The following SHISA9 variants were observed in gnomAD, a reference collection of about 807,000 sequenced individuals.
SHISA9 encodes the protein protein shisa-9.
A neutral mutation model predicts 38.0 loss-of-function variants in SHISA9; 13 were observed. The observed-to-expected ratio is 0.34, with a 90% CI of 0.22 to 0.54. SHISA9 has a LOEUF of 0.54. SHISA9 is among the 20% of genes least tolerant of loss of function. The pLI is 0.91. For synonymous variants in SHISA9, 275 were observed against 242.0 expected (o/e 1.14, Z -1.27); for missense variants, 538 against 575.8 (o/e 0.93, Z 0.67).
the SHISA9 span, among the ~76,000 whole-genome samples, chr16:13,487,455 A>G: frequency 6.6e-6 from 1 of 152,208 alleles, no homozygotes; most frequent in Non-Finnish European, 1.5e-5. Context: ...GGGAGCAGGA[A>G]GGAGGCAGGG....
chr16:13,027,475 CACAAA>C (rs1411821142), intron 2 of SHISA9, among the ~76,000 whole-genome samples: 2 of 152,128 alleles, frequency 1.3e-5, no homozygotes, highest in Admixed American at 1.3e-4. Flanking sequence ...ATTATGTCCA[CACAAA>C]GAATCTGCAC....
the SHISA9 span, among the ~76,000 whole-genome samples, chr16:13,318,843 A>G: frequency 6.6e-6 from 1 of 152,206 alleles, no homozygotes; most frequent in Non-Finnish European, 1.5e-5. Flanking sequence ...AACAAAAGAA[A>G]CTACAAAACA....
intron 2 of SHISA9, among the ~76,000 whole-genome samples, chr16:13,054,593 C>G (rs1039637590): frequency 6.6e-6 from 1 of 152,188 alleles, no homozygotes; most frequent in African/African-American, 2.4e-5. Context: ...GACTTATTTT[C>G]AGGGCAACAA....
chr16:13,443,856 G>A, the SHISA9 span, among the ~76,000 whole-genome samples: 1 of 151,726 alleles, frequency 6.6e-6, no homozygotes, highest in South Asian at 2.1e-4. Flanking sequence ...GTCTCTTATG[G>A]GATCATCTGG....
chr16:13,522,785 G>T, the SHISA9 span, among the ~76,000 whole-genome samples: 2 of 152,048 alleles, frequency 1.3e-5, no homozygotes, highest in African/African-American at 4.8e-5. Context: ...TAGGATTTAG[G>T]GCAGCTAGTT....
intron 4 of SHISA9, among the ~76,000 whole-genome samples, chr16:13,227,939 T>C (rs1403887494): frequency 6.6e-6 from 1 of 152,212 alleles, no homozygotes; most frequent in African/African-American, 2.4e-5. Context: ...TCAAACAATG[T>C]CTGTCAAATT....
At position 12,981,596 on chromosome 16, in the gene SHISA9, A is replaced by G. The variant is rs143000875; in HGVS notation, c.691+64781A>G. Among the ~76,000 whole-genome samples the G allele has an allele frequency of 1.3e-3, 198 of 152,328 alleles. No individual in the cohort carries two copies. In the East Asian group the frequency reaches 0.025, roughly 19 times the overall value. On this transcript the variant is annotated intron_variant, in intron 2 of 4. Transcript: ENST00000558583. Reference sequence around the variant, plus strand: ...AAGCCAGCAGTCTAGCCAGCTCAGCATCATGATCAGAGAACTGGCCATCTC... The same window carrying G: ...AAGCCAGCAGTCTAGCCAGCTCAGCGTCATGATCAGAGAACTGGCCATCTC...
chr16:13,371,212 C>G, the SHISA9 span, among the ~76,000 whole-genome samples: 2 of 152,140 alleles, frequency 1.3e-5, no homozygotes, highest in Non-Finnish European at 2.9e-5. Flanking sequence ...CCTAGGAAGT[C>G]CAGATAACCA....
the SHISA9 span, among the ~76,000 whole-genome samples, chr16:13,510,129 A>G: frequency 6.6e-6 from 1 of 152,164 alleles, no homozygotes; most frequent in African/African-American, 2.4e-5. Flanking sequence ...AACATGGTGA[A>G]ATCCCGTCTC....
At chr16:13,245,837 T>A in the SHISA9 span, among the ~76,000 whole-genome samples, 1 of 152,198 alleles carries the variant, frequency 6.6e-6, no homozygotes, top group Non-Finnish European at 1.5e-5. Flanking sequence ...CCCCATTTCT[T>A]CACCCCTCCC....
chr16:13,037,467 A>T (rs7184783), intron 2 of SHISA9, among the ~76,000 whole-genome samples: 1 of 151,854 alleles, frequency 6.6e-6, no homozygotes, highest in Non-Finnish European at 1.5e-5. Flanking sequence ...GGAGGGGAGC[A>T]GCAGTGAGGG....
chr16:13,468,407 C>T, the SHISA9 span, among the ~76,000 whole-genome samples: 1 of 152,168 alleles, frequency 6.6e-6, no homozygotes, highest in Non-Finnish European at 1.5e-5. Flanking sequence ...TCTTCCTTCT[C>T]ATATGTTTAT....
chr16:13,443,932 T>G, the SHISA9 span, among the ~76,000 whole-genome samples: 2 of 152,222 alleles, frequency 1.3e-5, no homozygotes, highest in Non-Finnish European at 2.9e-5. Context: ...AGAAGTCCAG[T>G]AACTTACTTC....
chr16:13,302,354 A>G, the SHISA9 span, among the ~76,000 whole-genome samples: 1 of 152,130 alleles, frequency 6.6e-6, no homozygotes, highest in Non-Finnish European at 1.5e-5. Flanking sequence ...CCTCCCCTAT[A>G]AATAGTTCTA....
chr16:13,328,453 C>T, the SHISA9 span, among the ~76,000 whole-genome samples: 2 of 150,672 alleles, frequency 1.3e-5, no homozygotes, highest in Non-Finnish European at 3.0e-5. Flanking sequence ...ACTCTTGTCA[C>T]CCAGGCTGGA....
chr16:13,389,198 A>G, the SHISA9 span, among the ~76,000 whole-genome samples: 2 of 152,188 alleles, frequency 1.3e-5, no homozygotes, highest in Admixed American at 1.3e-4. Flanking sequence ...TCACTGCCCT[A>G]AAAATCCTCT....
chr16:13,501,831 G>A, the SHISA9 span, among the ~76,000 whole-genome samples: 4 of 151,954 alleles, frequency 2.6e-5, no homozygotes, highest in African/African-American at 4.8e-5. Flanking sequence ...GTGAAACCCC[G>A]TCTCTACTAA....
the SHISA9 span, among the ~76,000 whole-genome samples, chr16:13,412,874 CAAATA>C: frequency 3.3e-5 from 5 of 151,678 alleles, no homozygotes; most frequent in Admixed American, 3.3e-4. Flanking sequence ...AAAAAACAAA[CAAATA>C]AACAAACAAA....
intron 2 of SHISA9, among the ~76,000 whole-genome samples, chr16:12,940,115 A>G (rs956062601): frequency 3.3e-5 from 5 of 152,126 alleles, no homozygotes; most frequent in Non-Finnish European, 5.9e-5. Flanking sequence ...AGAATTTTTG[A>G]TTGGATGATC....
Sources: allele counts gnomAD v4.1 joint callset (sites outside exome capture counted in the v4.1 genomes callset), GRCh38; gene constraint gnomAD v4.1.1; transcripts MANE v1.5; gene names NCBI Gene and HGNC (gene_info 2026-07-23, HGNC 2026-07-21).